The following RORB variants were observed in gnomAD, a reference collection of about 807,000 sequenced individuals.
RORB encodes the protein RAR related orphan receptor B, also known as nuclear receptor ROR-beta.
In RORB, 6 loss-of-function variants were observed where a neutral mutation model predicts 59.1. The observed-to-expected ratio is 0.10, with a 90% CI of 0.06 to 0.20. RORB has a LOEUF of 0.20. Among genes scored for constraint, RORB ranks in the 10% least tolerant of loss-of-function variants. The pLI, the probability that RORB is intolerant of heterozygous loss-of-function variation, is 1.00. For synonymous variants in RORB, 215 were observed against 204.5 expected, an observed-to-expected ratio of 1.05 and a Z score of -0.44; for missense variants, 320 against 560.5, an observed-to-expected ratio of 0.57 and a Z score of 4.33.
chr9:74,647,366 T>C (rs755239543), intron 4 of RORB, among the ~76,000 whole-genome samples: 12 of 152,328 alleles, frequency 7.9e-5, no homozygotes, highest in Middle Eastern at 6.8e-3. Context: ...CTGGAAGTGA[T>C]TGGCAATGTA....
intron 1 of RORB, among the ~76,000 whole-genome samples, chr9:74,545,947 C>T (rs977250120): frequency 1.3e-5 from 2 of 151,860 alleles, no homozygotes; most frequent in African/African-American, 2.4e-5. Context: ...AATGCAAAGG[C>T]GTAAAAATAA....
At chr9:74,534,818 C>T (rs1826297336) in intron 1 of RORB, among the ~76,000 whole-genome samples, 2 of 152,064 alleles carry the variant, frequency 1.3e-5, no homozygotes, top group South Asian at 4.1e-4. Context: ...CCCAAAGTGG[C>T]TATGTCAGGA....
intron 1 of RORB, 142 bp from the exon 2 acceptor site, chr9:74,630,140 T>C: frequency 9.9e-7 from 1 of 1,005,756 alleles, no homozygotes. Flanking sequence ...CAAATACTAA[T>C]GGATGACTCC....
intron 1 of RORB, among the ~76,000 whole-genome samples, chr9:74,559,501 T>G (rs1453811903): frequency 6.6e-6 from 1 of 152,146 alleles, no homozygotes; most frequent in Non-Finnish European, 1.5e-5. Flanking sequence ...TCCTTGCATG[T>G]TTTTAAGTCT....
intron 1 of RORB, among the ~76,000 whole-genome samples, chr9:74,547,338 G>T (rs1043926384): frequency 2.0e-5 from 3 of 152,074 alleles, no homozygotes; most frequent in African/African-American, 7.2e-5. Flanking sequence ...GATGGGTAAA[G>T]CCTACTAAGA....
rs180737807 is a variant in RORB, at chr9:74,644,859, T to C, written c.637+2044T>C. Among the ~76,000 whole-genome samples, 389 of 152,316 alleles carry C rather than the reference T, an allele frequency of 2.6e-3. 1 individual carries two copies. Among genetic ancestry groups the C allele is most frequent in the African/African-American group, 9.0e-3 (374 of 41,568 alleles). On this transcript the variant is annotated intron_variant, in intron 4 of 9. Coordinates refer to ENST00000376896, the MANE Select transcript of RORB (RefSeq NM_006914.4). The stretch of plus-strand genomic sequence containing the variant: ...GATTTAGCAACCACATTAAATATTA[T>C]GGAAAGAGAACTACAGCCAAACCAT...
At chr9:74,614,398 G>A (rs1020607212) in intron 1 of RORB, among the ~76,000 whole-genome samples, 8 of 151,780 alleles carry the variant, frequency 5.3e-5, no homozygotes, top group Non-Finnish European at 8.8e-5. Flanking sequence ...TTAAAAAAAA[G>A]CCATTTGTCA....
chr9:74,564,766 A>G (rs1293125077), intron 1 of RORB, among the ~76,000 whole-genome samples: 2 of 152,256 alleles, frequency 1.3e-5, no homozygotes, highest in Non-Finnish European at 2.9e-5. Context: ...GAAAAAGAAG[A>G]TTTTTAAAAA....
At chr9:74,634,491 T>C (rs537973701) in intron 2 of RORB, 140 bp from the exon 3 acceptor site, 8 of 688,696 alleles carry the variant, frequency 1.2e-5, no homozygotes, top group African/African-American at 9.1e-5. Flanking sequence ...CTGCAAGCCA[T>C]ACAAGAAGAG....
At chr9:74,532,691 CTTATACATATATGT>C (rs1826260501) in intron 1 of RORB, among the ~76,000 whole-genome samples, 1 of 149,482 alleles carries the variant, frequency 6.7e-6, no homozygotes, top group Non-Finnish European at 1.5e-5. Context: ...TTATATATAA[CTTATACATATATGT>C]TTATACATAT....
At chr9:74,578,756 G>A (rs577131866) in intron 1 of RORB, among the ~76,000 whole-genome samples, 17 of 152,032 alleles carry the variant, frequency 1.1e-4, no homozygotes, top group African/African-American at 3.1e-4. Flanking sequence ...TTTAGTCTTC[G>A]GCACTGTTTC....
intron 4 of RORB, among the ~76,000 whole-genome samples, chr9:74,653,939 T>C (rs1824036653): frequency 6.6e-6 from 1 of 152,232 alleles, no homozygotes; most frequent in African/African-American, 2.4e-5. Context: ...ATCACAGTTA[T>C]AAACAAGACA....
In RORB at chr9:74,497,644, G is replaced by T; in HGVS notation, c.-333G>T. 2.5e-6 allele frequency: 1 copy of T among 401,478 alleles called. No individual in the cohort carries two copies. Among genetic ancestry groups the T allele is most frequent in the Non-Finnish European group, 4.5e-6 (1 of 222,534 alleles). The allele number at this position is 401,478 out of a possible 1,614,324, so 24.9% of individuals were successfully genotyped here. A position where few individuals can be genotyped will look rare whatever the true frequency, so the allele number is the denominator to read the frequency against. ...GGCGGTGGCATTTTTTAAAAAGCAA[G>T]CACATTGGAGAGAAAGAAAAAGAAA... On this transcript the variant is annotated 5_prime_UTR_variant, in exon 1 of 10. Transcript: ENST00000376896.
At chr9:74,535,548 C>CCA (rs201028911) in intron 1 of RORB, among the ~76,000 whole-genome samples, 2 of 151,554 alleles carry the variant, frequency 1.3e-5, no homozygotes, top group African/African-American at 2.4e-5. Context: ...GCCCCCCCAC[C>CCA]CACACACACA....
intron 1 of RORB, among the ~76,000 whole-genome samples, chr9:74,590,173 A>G (rs141410085): frequency 6.6e-6 from 1 of 152,290 alleles, no homozygotes; most frequent in African/African-American, 2.4e-5. Context: ...TAATAGTAGC[A>G]GCAGCAGTGC....
intron 1 of RORB, among the ~76,000 whole-genome samples, chr9:74,601,835 T>C (rs1414270060): frequency 1.3e-5 from 2 of 152,174 alleles, no homozygotes; most frequent in Non-Finnish European, 2.9e-5. Context: ...GAATGAGTTT[T>C]CCTTTTTCTC....
chr9:74,634,004 A>G (rs1054816553), intron 2 of RORB, among the ~76,000 whole-genome samples: 5 of 151,878 alleles, frequency 3.3e-5, no homozygotes, highest in African/African-American at 9.7e-5. Context: ...TTGAGGCCAC[A>G]GTACACTATG....
intron 1 of RORB, among the ~76,000 whole-genome samples, chr9:74,628,639 A>C (rs555681803): frequency 2.6e-4 from 39 of 152,372 alleles, no homozygotes; most frequent in African/African-American, 9.1e-4. Flanking sequence ...AATAAGAAAA[A>C]GAGGGCAATG....
At chr9:74,592,656 T>C (rs151097722) in intron 1 of RORB, among the ~76,000 whole-genome samples, 14 of 152,246 alleles carry the variant, frequency 9.2e-5, no homozygotes, top group Non-Finnish European at 1.8e-4. Context: ...TGGGACTCTA[T>C]CAAGAACATT....
Sources: gnomAD v4.1 joint callset for allele counts (sites outside exome capture counted in the v4.1 genomes callset) on GRCh38, gnomAD v4.1.1 for gene constraint, MANE v1.5 for transcripts, NCBI Gene and HGNC (gene_info 2026-07-23, HGNC 2026-07-21) for gene names.